CFAP54: variants seen among roughly 807,000 people sequenced by gnomAD.
The protein encoded by CFAP54 is cilia and flagella associated protein 54, also known as cilia- and flagella-associated protein 54.
Under a neutral mutation model 370.4 loss-of-function variants are expected in CFAP54, and 290 were observed. The observed-to-expected ratio is 0.78, with a 90% confidence interval of 0.71 to 0.86. The LOEUF (loss-of-function observed/expected upper bound fraction) is 0.86. CFAP54 is among the 40% of genes least tolerant of loss of function. CFAP54 has a pLI of 0.00. For synonymous variants in CFAP54, 1,206 were observed against 1,236.5 expected, an observed-to-expected ratio of 0.98 and a Z score of 0.52; for missense variants, 3,399 against 3,528.7, an observed-to-expected ratio of 0.96 and a Z score of 0.93.
intron 45 of CFAP54, among the ~76,000 whole-genome samples, chr12:96,697,601 T>C (rs1302826418): frequency 6.6e-6 from 1 of 152,206 alleles, no homozygotes. Context: ...CACACACTCT[T>C]GAGATTCCTA....
intron 33 of CFAP54, 27 bp from the exon 34 acceptor site, chr12:96,647,848 T>G: frequency 6.8e-7 from 1 of 1,479,120 alleles, no homozygotes; most frequent in Non-Finnish European, 8.9e-7. Flanking sequence ...TATATTGTTT[T>G]TTAATATGAT....
chr12:96,843,197 A>C (rs367919221), intron 66 of CFAP54, among the ~76,000 whole-genome samples: 2 of 152,214 alleles, frequency 1.3e-5, no homozygotes, highest in Non-Finnish European at 2.9e-5. Flanking sequence ...TCCCATTCCT[A>C]GTTGCTAGAA....
rs1956838936 is a variant in CFAP54, at chr12:96,649,948, A to G, written c.4748A>G (p.Lys1583Arg). 1.2e-6 allele frequency: 2 copies of G among 1,612,180 alleles called. No individual in the cohort carries two copies. The highest frequency in any genetic ancestry group is 1.3e-5 in the African/African-American group (1 of 74,870). Residue 1583 changes from lysine (K) to arginine (R), a missense_variant, in exon 35 of 68, where the codon AAG (lysine) becomes AGG (arginine). By Grantham distance (26) the Lys-to-Arg change is conservative. This residue lies in a region of CFAP54 where 2,796 missense variants were observed against 2,869.7 expected (regional missense o/e 0.97). Coordinates refer to ENST00000524981, the MANE Select transcript of CFAP54 (RefSeq NM_001306084.2). Reference sequence around the variant, plus strand: ...ATAATGAGTGATGAAAATATGTCCAAGACACAAACAGTTTATGACTCAGAC... The same window carrying G: ...ATAATGAGTGATGAAAATATGTCCAGGACACAAACAGTTTATGACTCAGAC... ...NSIMSDENMS[K>R]TQTVYDSDSQ...
intron 23 of CFAP54, among the ~76,000 whole-genome samples, chr12:96,591,407 A>T (rs1267140076): frequency 6.6e-6 from 1 of 152,152 alleles, no homozygotes; most frequent in Non-Finnish European, 1.5e-5. Context: ...GTTTGGTGGT[A>T]AAGAGGAGGA....
In CFAP54 at chr12:96,598,112, G is replaced by T. The variant is rs190109790; in HGVS notation, c.3517-533G>T. ...TCACACTACCTTTGAAAAGCTATTC[G>T]TCTAGCTCTTGATCAAATTTAAGAT... is the stretch of plus-strand genomic sequence containing the variant. On this transcript the variant is annotated intron_variant, in intron 25 of 67. Coordinates refer to ENST00000524981, the MANE Select transcript of CFAP54 (RefSeq NM_001306084.2). 4.6e-5 allele frequency among the ~76,000 whole-genome samples: 5 copies of T among 108,938 alleles called. 1 individual carries two copies. In the Admixed American group the frequency reaches 4.8e-4, roughly 11 times the overall value. 71.5% of individuals were successfully genotyped at this position (108,938 alleles called of 152,430 possible). A position where few individuals can be genotyped will look rare whatever the true frequency, so the allele number is the denominator to read the frequency against.
At chr12:96,572,930 A>T (rs1955937628) in intron 19 of CFAP54, 1 of 985,450 alleles carries the variant, frequency 1.0e-6, no homozygotes, top group Non-Finnish European at 1.2e-6. Flanking sequence ...CAGAAAGAAG[A>T]TGCAAGAATT....
At chr12:96,813,808 G>A (rs931232748) in intron 64 of CFAP54, among the ~76,000 whole-genome samples, 1 of 152,186 alleles carries the variant, frequency 6.6e-6, no homozygotes, top group Non-Finnish European at 1.5e-5. Context: ...GAGCCCAGAC[G>A]GGATGGTAGA....
intron 39 of CFAP54, among the ~76,000 whole-genome samples, chr12:96,676,250 A>G (rs1054518531): frequency 1.6e-4 from 24 of 152,156 alleles, no homozygotes; most frequent in African/African-American, 5.6e-4. Flanking sequence ...CTGGAAATAA[A>G]TAGGACAGGG....
At chr12:96,798,646 A>G (rs535540680) in intron 63 of CFAP54, among the ~76,000 whole-genome samples, 180 of 152,278 alleles carry the variant, frequency 1.2e-3, no homozygotes, top group Middle Eastern at 0.01. Context: ...CAGTTTTGTG[A>G]TCTTGAGTAG....
chr12:96,631,439 A>G (rs1696060803), intron 32 of CFAP54, among the ~76,000 whole-genome samples: 1 of 151,308 alleles, frequency 6.6e-6, no homozygotes, highest in South Asian at 2.1e-4. Context: ...TGTAGCCCCA[A>G]ATAATGCATG....
intron 65 of CFAP54, among the ~76,000 whole-genome samples, chr12:96,826,943 G>GTATGATTATATATAATATGCAATTATA (rs1187372117): frequency 8.0e-6 from 1 of 125,198 alleles, no homozygotes; most frequent in Non-Finnish European, 1.6e-5. Flanking sequence ...ATGCAATTAT[G>GTATGATTATATATAATATGCAATTATA]TATGATTATA....
intron 19 of CFAP54, among the ~76,000 whole-genome samples, chr12:96,570,337 A>G (rs1444361904): frequency 6.0e-5 from 9 of 149,478 alleles, no homozygotes; most frequent in South Asian, 2.1e-4. Context: ...TTTTAAATCA[A>G]TGAGCCAACT....
chr12:96,772,491 C>G (rs1452072300), intron 60 of CFAP54, among the ~76,000 whole-genome samples: 1 of 152,126 alleles, frequency 6.6e-6, no homozygotes, highest in African/African-American at 2.4e-5. Context: ...CCTCTGACTT[C>G]GTTTCTGCAT....
intron 66 of CFAP54, among the ~76,000 whole-genome samples, chr12:96,851,819 T>C (rs1450706396): frequency 6.6e-6 from 1 of 152,034 alleles, no homozygotes; most frequent in African/African-American, 2.4e-5. Flanking sequence ...AATCAACTAG[T>C]CATATGTTAA....
chr12:96,643,616 AATAT>A (rs1337114180), intron 32 of CFAP54, among the ~76,000 whole-genome samples: 2 of 152,170 alleles, frequency 1.3e-5, no homozygotes, highest in East Asian at 1.9e-4. Context: ...TAAAAAATTG[AATAT>A]ATATAATACT....
intron 1 of CFAP54, among the ~76,000 whole-genome samples, chr12:96,498,079 A>G (rs923215983): frequency 6.6e-6 from 1 of 152,226 alleles, no homozygotes; most frequent in African/African-American, 2.4e-5. Flanking sequence ...AGCAAAGTCA[A>G]TTCAGTGGAG....
intron 1 of CFAP54, among the ~76,000 whole-genome samples, chr12:96,496,002 C>T (rs1331374417): frequency 6.6e-5 from 10 of 152,066 alleles, no homozygotes; most frequent in African/African-American, 1.9e-4. Flanking sequence ...CGTGGCATTT[C>T]GTGAAGCAGC....
At chr12:96,745,372 A>G (rs1166729117) in intron 55 of CFAP54, among the ~76,000 whole-genome samples, 1 of 152,098 alleles carries the variant, frequency 6.6e-6, no homozygotes, top group Non-Finnish European at 1.5e-5. Context: ...TTTTAATAAT[A>G]GCCATTCTGA....
At chr12:96,795,790 C>T (rs988995072) in intron 63 of CFAP54, among the ~76,000 whole-genome samples, 4 of 152,136 alleles carry the variant, frequency 2.6e-5, no homozygotes, top group Admixed American at 1.3e-4. Flanking sequence ...TTTGCCCCCT[C>T]CTCCAGATTC....
Sources: allele counts gnomAD v4.1 joint callset (sites outside exome capture counted in the v4.1 genomes callset), GRCh38; gene constraint gnomAD v4.1.1; regional missense constraint gnomAD v4.1.1; transcripts MANE v1.5; gene names NCBI Gene and HGNC (gene_info 2026-07-23, HGNC 2026-07-21).